Variants in SMG5 observed in about 807,000 individuals in gnomAD.
The protein encoded by SMG5 is nonsense-mediated mRNA decay factor SMG5.
Under a neutral mutation model 122.9 loss-of-function variants are expected in SMG5, and 53 were observed. That is an observed-to-expected ratio of 0.43 (90% CI 0.35 to 0.54). The LOEUF is 0.54. Among genes scored for constraint, SMG5 ranks in the 20% least tolerant of loss-of-function variants. The probability of loss-of-function intolerance (pLI) is 0.01; values close to 1 mark genes in which losing one functional copy is unlikely to be tolerated. For missense variants in SMG5, 1,153 were observed against 1,285.6 expected, an observed-to-expected ratio of 0.90 and a Z score of 1.58; for synonymous variants, 477 against 490.2, an observed-to-expected ratio of 0.97 and a Z score of 0.35.
intron 15 of SMG5, among the ~76,000 whole-genome samples, chr1:156,259,413 G>A (rs1309645726): frequency 6.6e-6 from 1 of 152,190 alleles, no homozygotes; most frequent in Non-Finnish European, 1.5e-5. Context: ...ACCAGGACTT[G>A]GGCTAAGAAA....
chr1:156,271,956 C>A (rs1662456779), intron 7 of SMG5, among the ~76,000 whole-genome samples: 1 of 152,152 alleles, frequency 6.6e-6, no homozygotes, highest in African/African-American at 2.4e-5. Context: ...ACCCACCCTG[C>A]TGGTCCTTCC....
At chr1:156,271,571 T>TTTC (rs1366557468) in intron 7 of SMG5, among the ~76,000 whole-genome samples, 1 of 138,278 alleles carries the variant, frequency 7.2e-6, no homozygotes, top group African/African-American at 2.8e-5. Context: ...AAGAGGTTTT[T>TTTC]TTTTTTTTTT....
At chr1:156,256,697 G>A (rs983278517) in intron 16 of SMG5, among the ~76,000 whole-genome samples, 8 of 152,012 alleles carry the variant, frequency 5.3e-5, no homozygotes, top group South Asian at 2.1e-4. Flanking sequence ...AGGCCTACGC[G>A]TTCCTCAGAG....
At chr1:156,263,196 G>T (rs1460926138) in intron 13 of SMG5, among the ~76,000 whole-genome samples, 199 bp downstream of exon 13, 4 of 152,214 alleles carry the variant, frequency 2.6e-5, no homozygotes, top group African/African-American at 9.7e-5. Flanking sequence ...ATTGTTCCCT[G>T]GCCACAGGCT....
chr1:156,277,052 C>A, intron 4 of SMG5, 33 bp downstream of exon 4: 2 of 1,602,804 alleles, frequency 1.2e-6, no homozygotes, highest in African/African-American at 1.3e-5. Flanking sequence ...AGCATGAGAA[C>A]CTGCTCAAGT....
In SMG5 at chr1:156,260,646, A is replaced by AT. The variant is rs781578825; in HGVS notation, c.2108-21dup. 48 of 1,483,930 alleles carry AT rather than the reference A, an allele frequency of 3.2e-5. No individual in the cohort carries two copies. Among genetic ancestry groups the AT allele is most frequent in the Non-Finnish European group, 4.3e-5 (48 of 1,120,142 alleles). The allele number at this position is 1,483,930 out of a possible 1,614,324, so 91.9% of individuals were successfully genotyped here. A position where few individuals can be genotyped will look rare whatever the true frequency, so the allele number is the denominator to read the frequency against. On this transcript the variant is annotated intron_variant, in intron 14 of 21. Coordinates refer to ENST00000361813, the MANE Select transcript of SMG5 (RefSeq NM_015327.3). Reference sequence around the variant, plus strand: ...CCAGGCCTGGGCAGAAGAAGGACACATAAGACCATCTGTCCTGTGGGAACT... The same window carrying AT: ...CCAGGCCTGGGCAGAAGAAGGACACATTAAGACCATCTGTCCTGTGGGAACT...
chr1:156,260,728 G>A (rs1157143336), intron 14 of SMG5, 102 bp from the exon 15 acceptor site: 9 of 1,099,904 alleles, frequency 8.2e-6, no homozygotes, highest in Non-Finnish European at 1.1e-5. Flanking sequence ...ATGAGATGAT[G>A]AGGCAGGACA....
rs201137892 is a variant in SMG5 at position 156,266,390 on chromosome 1, G to A, written c.1256-10C>T. 1.4e-5 allele frequency: 23 copies of A among 1,608,602 alleles called. No homozygotes were observed. The African/African-American group carries it at 2.3e-4, about 16-fold the overall frequency. ...TTGGACTCTGGTTCATCTGCGGAAA[G>A]AGGAAGGTCAGGTGGAGCCCGAGGA... On this transcript the variant is annotated splice_polypyrimidine_tract_variant and intron_variant, in intron 11 of 21. Coordinates refer to ENST00000361813, the MANE Select transcript of SMG5 (RefSeq NM_015327.3).
At chr1:156,271,536 A>AGC (rs1403682580) in intron 7 of SMG5, among the ~76,000 whole-genome samples, 6 of 146,324 alleles carry the variant, frequency 4.1e-5, no homozygotes, top group Non-Finnish European at 9.0e-5. Context: ...CAATACCCTA[A>AGC]GCTTAATCAA....
Position 156,266,223 on chromosome 1 carries a change from G to A in SMG5, c.1413C>T (p.Asp471=). The part of the protein sequence containing the change: ...RRRHPPKVGD[D]SDLSEGFESD... Reference sequence around the variant, plus strand: ...ATTCAAAGCCTTCACTCAGGTCACTGTCATCACCAACTTTGGGTGGGTGGC... The same window carrying A: ...ATTCAAAGCCTTCACTCAGGTCACTATCATCACCAACTTTGGGTGGGTGGC... Residue 471 remains aspartate (D), a synonymous_variant, in exon 12 of 22, where the codon GAC becomes GAT. Coordinates refer to ENST00000361813, the MANE Select transcript of SMG5 (RefSeq NM_015327.3). 6.2e-7 allele frequency: 1 copy of A among 1,614,234 alleles called. No homozygotes were observed. The highest frequency in any genetic ancestry group is 8.5e-7 in the Non-Finnish European group (1 of 1,180,046).
intron 6 of SMG5, 70 bp downstream of exon 6, chr1:156,273,291 C>A: frequency 8.0e-7 from 1 of 1,256,794 alleles, no homozygotes; most frequent in South Asian, 1.2e-5. Flanking sequence ...AACTGCCTGC[C>A]ATCTCAACAA....
At chr1:156,263,693 T>C in intron 12 of SMG5, 123 bp from the exon 13 acceptor site, 2 of 1,079,766 alleles carry the variant, frequency 1.9e-6, no homozygotes, top group Non-Finnish European at 2.6e-6. Flanking sequence ...GGAATTTGGA[T>C]ATGAAAAATC....
Position 156,253,512 on chromosome 1 carries a change from T to C in SMG5, c.2443-4A>G. On this transcript the variant is annotated splice_polypyrimidine_tract_variant and splice_region_variant and intron_variant, in intron 16 of 21. Coordinates refer to ENST00000361813, the MANE Select transcript of SMG5 (RefSeq NM_015327.3). ...TCCGACGAGCTTCCTCCTGTGCCTA[T>C]GAGGGAAAAAATGAGCTGTAAGGAG... is the stretch of plus-strand genomic sequence containing the variant. 6.2e-7 allele frequency: 1 copy of C among 1,614,034 alleles called. No homozygotes were observed. The highest frequency in any genetic ancestry group is 2.2e-5 in the East Asian group (1 of 44,872).
chr1:156,266,887 C>T (rs538665103), intron 10 of SMG5, among the ~76,000 whole-genome samples: 4 of 152,128 alleles, frequency 2.6e-5, no homozygotes, highest in Admixed American at 6.5e-5. Context: ...TCAATCTGCC[C>T]GCCTCGGCCT....
chr1:156,286,461 T>A (rs1269671611), upstream of SMG5: 6 of 1,614,124 alleles, frequency 3.7e-6, no homozygotes, highest in Non-Finnish European at 4.2e-6. Context: ...ACTGGTCTCT[T>A]TGCCGTCTCC....
At chr1:156,263,341 C>T (rs1661945927) in intron 13 of SMG5, 54 bp downstream of exon 13, 1 of 1,555,266 alleles carries the variant, frequency 6.4e-7, no homozygotes, top group African/African-American at 1.4e-5. Flanking sequence ...CCTGGCTCAT[C>T]CCCTCCTCCA....
intron 3 of SMG5, among the ~76,000 whole-genome samples, chr1:156,277,657 C>T (rs1662745039): frequency 6.6e-6 from 1 of 152,068 alleles, no homozygotes; most frequent in African/African-American, 2.4e-5. Flanking sequence ...GGATTACAGG[C>T]ATGCACCACC....
chr1:156,276,994 G>A (rs1200575336), intron 4 of SMG5, 91 bp downstream of exon 4: 4 of 1,316,110 alleles, frequency 3.0e-6, no homozygotes, highest in Non-Finnish European at 4.2e-6. Context: ...TCTCTGCCTG[G>A]CTGGGTCGCA....
chr1:156,262,126 G>A (rs1315271904), intron 13 of SMG5, among the ~76,000 whole-genome samples: 2 of 152,154 alleles, frequency 1.3e-5, no homozygotes, highest in Non-Finnish European at 2.9e-5. Context: ...TTGGGAGGCT[G>A]AGGCAGGCAG....
Sources: allele counts gnomAD v4.1 joint callset (sites outside exome capture counted in the v4.1 genomes callset), GRCh38; gene constraint gnomAD v4.1.1; transcripts MANE v1.5; gene names NCBI Gene and HGNC (gene_info 2026-07-23, HGNC 2026-07-21).